Variants in MTUS2 observed in about 807,000 individuals in gnomAD.
MTUS2 encodes microtubule associated scaffold protein 2, also known as microtubule-associated tumor suppressor candidate 2.
MTUS2 carries 40 observed loss-of-function variants against 114.1 expected under a neutral mutation model. The ratio of observed to expected loss-of-function variants is 0.35; its 90% CI spans 0.27 to 0.46. MTUS2 has a LOEUF of 0.46. MTUS2 is among the 20% of genes least tolerant of loss of function. MTUS2 has a pLI of 1.00. For missense variants in MTUS2, 1,679 were observed against 1,705.4 expected, an observed-to-expected ratio of 0.98 and a Z score of 0.27; for synonymous variants, 688 against 672.0, an observed-to-expected ratio of 1.02 and a Z score of -0.37.
intron 11 of MTUS2, among the ~76,000 whole-genome samples, chr13:29,492,075 CAT>C (rs1472326559): frequency 9.0e-6 from 1 of 111,608 alleles, no homozygotes. Context: ...GTATGTGTGC[CAT>C]GTGTATGTGA....
intron 2 of MTUS2, among the ~76,000 whole-genome samples, chr13:28,840,246 C>G (rs746606984): frequency 3.3e-5 from 5 of 152,104 alleles, no homozygotes; most frequent in Non-Finnish European, 5.9e-5. Context: ...GGGGATGTGC[C>G]TGATAACTGA....
chr13:29,346,475 G>A (rs1868701329), intron 7 of MTUS2, among the ~76,000 whole-genome samples: 2 of 151,916 alleles, frequency 1.3e-5, no homozygotes, highest in Non-Finnish European at 2.9e-5. Flanking sequence ...AGGTTGCCAG[G>A]GGACTGGGGG....
At chr13:29,362,631 G>A (rs1870363408) in intron 8 of MTUS2, among the ~76,000 whole-genome samples, 1 of 152,240 alleles carries the variant, frequency 6.6e-6, no homozygotes. Context: ...AGGTTGCAGT[G>A]AACCGAGATT....
intron 8 of MTUS2, among the ~76,000 whole-genome samples, chr13:29,381,180 A>G (rs4268602): frequency 0.7 from 106,331 of 152,032 alleles, 39,333 homozygotes; most frequent in East Asian, 0.83. Flanking sequence ...CCAGATACAG[A>G]TGCTGGTATT....
chr13:29,011,428 C>G (rs1304415645), intron 2 of MTUS2, among the ~76,000 whole-genome samples: 1 of 152,164 alleles, frequency 6.6e-6, no homozygotes, highest in Non-Finnish European at 1.5e-5. Flanking sequence ...AAAAAATACT[C>G]TTAAATTTTG....
intron 4 of MTUS2, among the ~76,000 whole-genome samples, chr13:29,060,840 GCC>G (rs1443875669): frequency 6.9e-5 from 8 of 115,718 alleles, no homozygotes; most frequent in Non-Finnish European, 1.2e-4. Flanking sequence ...TTGCTGTGTT[GCC>G]CAGACTGGAG....
chr13:29,477,778 T>A (rs1880813514), intron 9 of MTUS2, among the ~76,000 whole-genome samples: 1 of 152,152 alleles, frequency 6.6e-6, no homozygotes, highest in Non-Finnish European at 1.5e-5. Context: ...GACAATTATA[T>A]ATATATATAA....
At chr13:29,184,011 A>G (rs967476724) in intron 5 of MTUS2, among the ~76,000 whole-genome samples, 3 of 152,214 alleles carry the variant, frequency 2.0e-5, no homozygotes, top group African/African-American at 4.8e-5. Context: ...TCAACAATTA[A>G]CATTGTTCTT....
chr13:28,999,202 G>C (rs1885267629), intron 2 of MTUS2, among the ~76,000 whole-genome samples: 1 of 152,208 alleles, frequency 6.6e-6, no homozygotes, highest in Admixed American at 6.5e-5. Flanking sequence ...CTGCAGAACA[G>C]TGGATATTGG....
chr13:29,415,810 G>T (rs1875619005), intron 8 of MTUS2, among the ~76,000 whole-genome samples: 1 of 152,090 alleles, frequency 6.6e-6, no homozygotes, highest in South Asian at 2.1e-4. Flanking sequence ...TATGAAAAAT[G>T]AAATTTAAGA....
At chr13:28,923,259 T>C (rs1881147213) in intron 2 of MTUS2, among the ~76,000 whole-genome samples, 1 of 152,240 alleles carries the variant, frequency 6.6e-6, no homozygotes, top group Admixed American at 6.5e-5. Context: ...TAACATCCGA[T>C]TCATCTCAGT....
At chr13:28,895,127 AG>A (rs1288171060) in intron 2 of MTUS2, among the ~76,000 whole-genome samples, 1 of 152,106 alleles carries the variant, frequency 6.6e-6, no homozygotes, top group African/African-American at 2.4e-5. Flanking sequence ...GAAAAACAAA[AG>A]GGGAAGGGGA....
chr13:29,266,439 C>T (rs1472551290), intron 5 of MTUS2, among the ~76,000 whole-genome samples: 2 of 152,064 alleles, frequency 1.3e-5, no homozygotes, highest in Non-Finnish European at 2.9e-5. Flanking sequence ...AAAAACTAAA[C>T]GATGACAGAA....
chr13:29,090,003 A>T (rs943617688), intron 4 of MTUS2, among the ~76,000 whole-genome samples: 2 of 152,054 alleles, frequency 1.3e-5, no homozygotes, highest in African/African-American at 4.8e-5. Flanking sequence ...GTCTTAAGAC[A>T]CTCTGGCTTT....
intron 5 of MTUS2, among the ~76,000 whole-genome samples, chr13:29,124,470 A>T (rs1195083689): frequency 1.3e-5 from 2 of 152,206 alleles, no homozygotes; most frequent in African/African-American, 4.8e-5. Flanking sequence ...TGGAACCCTC[A>T]TGCATTGCCG....
At chr13:29,173,619 T>C (rs1593557388) in intron 5 of MTUS2, among the ~76,000 whole-genome samples, 1 of 152,124 alleles carries the variant, frequency 6.6e-6, no homozygotes, top group East Asian at 1.9e-4. Flanking sequence ...AGAATTATAG[T>C]TCAGGATGAA....
intron 5 of MTUS2, among the ~76,000 whole-genome samples, chr13:29,196,219 C>T (rs1251005283): frequency 6.6e-6 from 1 of 151,826 alleles, no homozygotes; most frequent in Admixed American, 6.6e-5. Flanking sequence ...ACCTCAGCCT[C>T]CCGAGTAGCT....
At chr13:29,132,623 A>T (rs1891814741) in intron 5 of MTUS2, among the ~76,000 whole-genome samples, 1 of 152,218 alleles carries the variant, frequency 6.6e-6, no homozygotes. Flanking sequence ...TGTTTTTGTG[A>T]CTGACTTATT....
intron 2 of MTUS2, among the ~76,000 whole-genome samples, chr13:28,999,647 C>T (rs1885293224): frequency 1.3e-5 from 2 of 152,142 alleles, no homozygotes; most frequent in Admixed American, 6.5e-5. Context: ...ATTCTCTCTT[C>T]TAGCTATTTT....
Sources: allele counts gnomAD v4.1 joint callset (sites outside exome capture counted in the v4.1 genomes callset), GRCh38; gene constraint gnomAD v4.1.1; transcripts MANE v1.5; gene names NCBI Gene and HGNC (gene_info 2026-07-23, HGNC 2026-07-21).